Variants in NEMF observed in about 807,000 individuals in gnomAD.
NEMF encodes nuclear export mediator factor.
Under a neutral mutation model 162.2 loss-of-function variants are expected in NEMF, and 89 were observed. The observed-to-expected ratio is 0.55, with a 90% CI of 0.46 to 0.65. The LOEUF (loss-of-function observed/expected upper bound fraction) is 0.65, where lower values mean the gene tolerates loss of function less well. Among genes scored for constraint, NEMF ranks in the 30% least tolerant of loss-of-function variants. The pLI, the probability that NEMF is intolerant of heterozygous loss-of-function variation, is 0.00. For missense variants in NEMF, 1,133 were observed against 1,261.9 expected, an observed-to-expected ratio of 0.90 and a Z score of 1.55; for synonymous variants, 421 against 404.5, an observed-to-expected ratio of 1.04 and a Z score of -0.49.
intron 19 of NEMF, among the ~76,000 whole-genome samples, chr14:49,805,579 TA>T (rs1173593154): frequency 2.7e-4 from 39 of 144,486 alleles, no homozygotes; most frequent in Admixed American, 4.2e-4. Context: ...CAAGTGAATT[TA>T]AAAAAAAAAA....
chr14:49,816,995 G>A (rs543835033), intron 16 of NEMF, among the ~76,000 whole-genome samples: 1 of 152,264 alleles, frequency 6.6e-6, no homozygotes, highest in East Asian at 1.9e-4. Context: ...AGTAAGATGG[G>A]TGGATTTAAA....
chr14:49,852,687 T>C lies in NEMF; in HGVS notation c.59+8A>G, dbSNP rs1034441008. 1.2e-5 allele frequency: 20 copies of C among 1,614,186 alleles called. No homozygotes were observed. The highest frequency in any genetic ancestry group is 1.7e-5 in the Non-Finnish European group (20 of 1,180,018). On this transcript the variant is annotated splice_region_variant and intron_variant, in intron 1 of 32. Coordinates refer to ENST00000298310, the MANE Select transcript of NEMF (RefSeq NM_004713.6). ...CCCACACGAGCCTCGTCACTTAGGG[T>C]ACTGTACCTAGCATTCAGCTCCGCG...
intron 4 of NEMF, among the ~76,000 whole-genome samples, chr14:49,842,353 T>G (rs1327883983): frequency 6.6e-6 from 1 of 152,220 alleles, no homozygotes; most frequent in Non-Finnish European, 1.5e-5. Context: ...AAAATGAAAT[T>G]ACTTCTTAAA....
intron 25 of NEMF, among the ~76,000 whole-genome samples, chr14:49,798,780 G>A (rs912561506): frequency 4.6e-5 from 7 of 152,172 alleles, no homozygotes; most frequent in African/African-American, 1.2e-4. Flanking sequence ...GGTGGTGGGC[G>A]CCTCTAGTCC....
chr14:49,840,571 T>C, intron 5 of NEMF, 147 bp downstream of exon 5: 1 of 671,182 alleles, frequency 1.5e-6, no homozygotes. Flanking sequence ...TTACGTTATC[T>C]AAGTAAAACA....
In NEMF at chr14:49,782,974, T is replaced by C; in HGVS notation, c.*1662A>G. 1 of 1,607,412 alleles carries C rather than the reference T, an allele frequency of 6.2e-7. No homozygotes were observed. Among genetic ancestry groups the C allele is most frequent in the Non-Finnish European group, 8.5e-7 (1 of 1,176,658 alleles). ...CTTAAGGCTTCATAAATAATGCCTA[T>C]GATCACCTTGCATGGACAGCAATCC... is the stretch of plus-strand genomic sequence containing the variant. On this transcript the variant is annotated 3_prime_UTR_variant, in exon 33 of 33. Coordinates refer to ENST00000298310, the MANE Select transcript of NEMF (RefSeq NM_004713.6).
Position 49,785,223 on chromosome 14 carries a change from T to C in NEMF, c.3026A>G (p.Tyr1009Cys). The change falls in exon 30 of 33, where the codon TAC becomes TGC. Residue 1009 changes from tyrosine (Y) to cysteine (C), a missense_variant. Coordinates refer to ENST00000298310, the MANE Select transcript of NEMF (RefSeq NM_004713.6). ...CTGTCAACTAATGGTAACTTACTTG[T>C]AGTTTGTCATGGTGGTGTAAGGGGC... is the stretch of plus-strand genomic sequence containing the variant. ...ICAPYTTMTN[Y>C]KYKVKLTPGV... The C allele has an allele frequency of 6.2e-7, 1 of 1,612,520 alleles. No individual in the cohort carries two copies. Among genetic ancestry groups the C allele is most frequent in the Non-Finnish European group, 8.5e-7 (1 of 1,178,500 alleles).
rs773814486 is a variant in NEMF, at chr14:49,852,718, G to T, written c.36C>A (p.Ala12=). 9 of 1,614,210 alleles carry T rather than the reference G, an allele frequency of 5.6e-6. No individual in the cohort carries two copies. The highest frequency in any genetic ancestry group is 7.6e-6 in the Non-Finnish European group (9 of 1,180,022). ...ACCTAGCATTCAGCTCCGCGAGTAC[G>T]GCGCGGAGGTCAATGGTGCTAAAGC... is the stretch of plus-strand genomic sequence containing the variant. ...KSRFSTIDLR[A]VLAELNASLL... Residue 12 remains alanine, a synonymous_variant, in exon 1 of 33, where the codon GCC becomes GCA. Coordinates refer to ENST00000298310, the MANE Select transcript of NEMF (RefSeq NM_004713.6).
At chr14:49,792,774 G>C (rs1290790813) in intron 26 of NEMF, among the ~76,000 whole-genome samples, 1 of 152,104 alleles carries the variant, frequency 6.6e-6, no homozygotes, top group African/African-American at 2.4e-5. Flanking sequence ...GAGCCTAGGA[G>C]TTAGACCAGC....
At chr14:49,812,831 C>T (rs1215380086) in intron 18 of NEMF, among the ~76,000 whole-genome samples, 2 of 151,296 alleles carry the variant, frequency 1.3e-5, no homozygotes, top group Non-Finnish European at 2.9e-5. Flanking sequence ...CTCGCCCTGT[C>T]GCCCAGGCTG....
chr14:49,851,051 G>T (rs1426415702), intron 3 of NEMF, among the ~76,000 whole-genome samples: 2 of 151,868 alleles, frequency 1.3e-5, no homozygotes, highest in Non-Finnish European at 2.9e-5. Flanking sequence ...TAAAAATAGA[G>T]AAATTAGCCG....
rs1229835380 is a variant in NEMF, at chr14:49,833,604, C to T, written c.662-108G>A. ...GGAAAGTGCTTACAAAATAATGTTG[C>T]GTTCAAGAAAATTAGAGATAGTGAT... On this transcript the variant is annotated intron_variant, in intron 7 of 32. Transcript: ENST00000298310. 17 of 598,628 alleles carry T rather than the reference C, an allele frequency of 2.8e-5. No homozygotes were observed. In the East Asian group the frequency reaches 3.1e-4, roughly 11 times the overall value. 37.1% of individuals were successfully genotyped at this position (598,628 alleles called of 1,614,324 possible).
chr14:49,834,169 C>T, intron 7 of NEMF, 194 bp downstream of exon 7: 1 of 586,120 alleles, frequency 1.7e-6, no homozygotes, highest in South Asian at 1.8e-5. Flanking sequence ...CCACCCACTG[C>T]AGCCTCAAAC....
intron 3 of NEMF, among the ~76,000 whole-genome samples, chr14:49,847,808 G>C (rs1249403371): frequency 1.3e-5 from 2 of 151,190 alleles, no homozygotes; most frequent in Admixed American, 6.6e-5. Context: ...GAGGTAGGTG[G>C]ATCACTTGAG....
In NEMF at chr14:49,850,133, C is replaced by T. The variant is rs559456769; in HGVS notation, c.231+1430G>A. Among the ~76,000 whole-genome samples, 3 of 152,040 alleles carry T rather than the reference C, an allele frequency of 2.0e-5. No individual in the cohort carries two copies. In the South Asian group the frequency reaches 6.2e-4, roughly 32 times the overall value. Reference sequence around the variant, plus strand: ...TTTCTTTTTTTTTTAGATGGAGTCTCGCTCTGTCGCCCAGGCTGGAGTGAA... The same window carrying T: ...TTTCTTTTTTTTTTAGATGGAGTCTTGCTCTGTCGCCCAGGCTGGAGTGAA... On this transcript the variant is annotated intron_variant, in intron 3 of 32. Coordinates refer to ENST00000298310, the MANE Select transcript of NEMF (RefSeq NM_004713.6).
chr14:49,844,524 A>G (rs1485876888), intron 4 of NEMF, among the ~76,000 whole-genome samples: 1 of 152,126 alleles, frequency 6.6e-6, no homozygotes, highest in Non-Finnish European at 1.5e-5. Flanking sequence ...AGCATGCAGG[A>G]CTGAAAACTG....
chr14:49,813,665 GT>G (rs1566673253), intron 18 of NEMF, among the ~76,000 whole-genome samples: 2 of 1,468 alleles, frequency 1.4e-3, no homozygotes, highest in East Asian at 0.028. Context: ...TTTATTAGGT[GT>G]GTGTGTGTGT....
intron 11 of NEMF, among the ~76,000 whole-genome samples, chr14:49,829,951 T>G (rs1206888899): frequency 6.6e-6 from 1 of 152,132 alleles, no homozygotes; most frequent in Non-Finnish European, 1.5e-5. Context: ...ACTTTGTATT[T>G]TTTGCTACTT....
At chr14:49,839,779 G>C (rs936547216) in intron 5 of NEMF, 2 of 152,138 alleles carry the variant, frequency 1.3e-5, no homozygotes, top group African/African-American at 4.8e-5. Flanking sequence ...AGATTAGCAC[G>C]ACCCCTGCAC....
Sources: allele counts gnomAD v4.1 joint callset (sites outside exome capture counted in the v4.1 genomes callset), GRCh38; gene constraint gnomAD v4.1.1; transcripts MANE v1.5; gene names NCBI Gene and HGNC (gene_info 2026-07-23, HGNC 2026-07-21).